The following BRCC3 variants were observed in gnomAD, a reference collection of about 807,000 sequenced individuals.
BRCC3 encodes lys-63-specific deubiquitinase BRCC36.
A neutral mutation model predicts 28.0 loss-of-function variants in BRCC3; 15 were observed. The observed-to-expected ratio is 0.54, with a 90% CI of 0.36 to 0.82. The LOEUF (loss-of-function observed/expected upper bound fraction) is 0.82. Ranked by LOEUF, BRCC3 falls within the 40% of genes least tolerant of loss-of-function variation. The pLI is 0.01. For synonymous variants in BRCC3, 66 were observed against 80.3 expected, an observed-to-expected ratio of 0.82 and a Z score of 0.95; for missense variants, 109 against 225.9, an observed-to-expected ratio of 0.48 and a Z score of 3.32.
chrX:155,114,586 A>G (rs782229775), intron 7 of BRCC3, among the ~76,000 whole-genome samples: 4 of 104,983 alleles, frequency 3.8e-5, no homozygotes, highest in Admixed American at 1.0e-4. Flanking sequence ...AACCACAATT[A>G]AAAAAAAAAA....
At position 155,086,171 on chromosome X, in the gene BRCC3, C is replaced by T. The variant is rs782511345; in HGVS notation, c.404-3092C>T. Among the ~76,000 whole-genome samples, 220 of 111,394 alleles carry T rather than the reference C, an allele frequency of 2.0e-3. 2 individuals are homozygous for T. Among genetic ancestry groups the T allele is most frequent in the African/African-American group, 6.6e-3 (200 of 30,427 alleles). ...GCTGGCTGACGTCCAAGCTAACAGC[C>T]GCCCCATTGGGAAACTTCATGCTGA... On this transcript the variant is annotated intron_variant, in intron 5 of 10. Coordinates refer to ENST00000330045, the MANE Select transcript of BRCC3 (RefSeq NM_001018055.3).
Position 155,122,795 on chromosome X carries a change from A to C in BRCC3, c.*1591A>C, listed in dbSNP as rs2074395664. On this transcript the variant is annotated 3_prime_UTR_variant, in exon 11 of 11. Transcript: ENST00000330045. ...TTATATAACATTCTTGAGGTGACAA[A>C]ATTATTGAAATGAAGAACAGATTAA... 1.8e-5 allele frequency: 2 copies of C among 111,645 alleles called. No individual in the cohort carries two copies. The highest frequency in any genetic ancestry group is 1.9e-4 in the Admixed American group (2 of 10,560). 9.2% of individuals were successfully genotyped at this position (111,645 alleles called of 1,213,427 possible). A position where few individuals can be genotyped will look rare whatever the true frequency, so the allele number is the denominator to read the frequency against.
At chrX:155,085,877 CCCAGGACTGCTTTG>C (rs1327991493) in intron 5 of BRCC3, among the ~76,000 whole-genome samples, 10 of 111,457 alleles carry the variant, frequency 9.0e-5, no homozygotes, top group African/African-American at 3.3e-4. Flanking sequence ...GCCTGGTTCC[CCCAGGACTGCTTTG>C]CCATGACAGC....
chrX:155,075,257 C>CAGGGAGGAAGACAAAGAAGGCAAAA (rs2074023037), intron 3 of BRCC3, among the ~76,000 whole-genome samples: 1 of 52,815 alleles, frequency 1.9e-5, no homozygotes, highest in Non-Finnish European at 2.9e-5. Context: ...CACCCTTGTC[C>CAGGGAGGAAGACAAAGAAGGCAAAA]CTTCAACATC....
At chrX:155,095,299 GTTAT>G (rs1471490702) in intron 7 of BRCC3, among the ~76,000 whole-genome samples, 8 of 111,642 alleles carry the variant, frequency 7.2e-5, no homozygotes, top group South Asian at 7.4e-4. Flanking sequence ...AGTTTTTATT[GTTAT>G]TTATTTATTT....
Position 155,077,263 on chromosome X carries a change from C to T in BRCC3, c.289C>T (p.Leu97=). 8.4e-7 allele frequency: 1 copy of T among 1,186,484 alleles called. No individual in the cohort carries two copies. The highest frequency in any genetic ancestry group is 1.8e-5 in the South Asian group (1 of 56,398). The change falls in exon 4 of 11, where the codon CTG becomes TTG. Residue 97 remains leucine (L), a synonymous_variant. Coordinates refer to ENST00000330045, the MANE Select transcript of BRCC3 (RefSeq NM_001018055.3). ...KDRVEISPEQ[L]SAASTEAERL... is the part of the protein sequence containing the mutation. ...CCGAGTAGAAATTTCTCCAGAGCAG[C>T]TGTCTGCAGCTTCAACAGAGGCAGA...
At chrX:155,076,512 G>A (rs2074045058) in intron 3 of BRCC3, among the ~76,000 whole-genome samples, 1 of 111,839 alleles carries the variant, frequency 8.9e-6, no homozygotes, top group South Asian at 3.7e-4. Flanking sequence ...TGATCATGGT[G>A]GAAGGTGAAG....
intron 7 of BRCC3, among the ~76,000 whole-genome samples, chrX:155,114,915 T>A (rs1187692236): frequency 2.7e-5 from 3 of 111,090 alleles, no homozygotes; most frequent in African/African-American, 9.8e-5. Context: ...TCTCAGCCAA[T>A]CACAAGCAAT....
chrX:155,084,598 C>G (rs1001893280), intron 5 of BRCC3, among the ~76,000 whole-genome samples: 1 of 111,779 alleles, frequency 8.9e-6, no homozygotes, highest in African/African-American at 3.3e-5. Flanking sequence ...CTCCTGACCT[C>G]GTGATCCACC....
At chrX:155,095,502 T>A (rs892460697) in intron 7 of BRCC3, among the ~76,000 whole-genome samples, 1 of 111,254 alleles carries the variant, frequency 9.0e-6, no homozygotes, top group Non-Finnish European at 1.9e-5. Flanking sequence ...AATTTCACCA[T>A]GTTGGCCAGG....
intron 6 of BRCC3, among the ~76,000 whole-genome samples, chrX:155,090,336 G>A (rs1338910620): frequency 8.9e-6 from 1 of 112,505 alleles, no homozygotes; most frequent in African/African-American, 3.2e-5. Flanking sequence ...CTTATTTAGT[G>A]CATTAGTTAT....
intron 7 of BRCC3, 146 bp downstream of exon 7, chrX:155,090,985 G>A: frequency 2.1e-6 from 1 of 482,423 alleles, no homozygotes; most frequent in South Asian, 4.0e-5. Context: ...TCTACGATGA[G>A]TTAGAATCTC....
intron 7 of BRCC3, chrX:155,099,290 C>T: frequency 8.3e-7 from 1 of 1,203,011 alleles, no homozygotes; most frequent in South Asian, 1.8e-5. Flanking sequence ...GCTTCACCAT[C>T]TTGGTGTGTG....
chrX:155,076,017 C>G (rs2074038648), intron 3 of BRCC3, among the ~76,000 whole-genome samples: 2 of 112,212 alleles, frequency 1.8e-5, no homozygotes, highest in African/African-American at 6.5e-5. Flanking sequence ...AGATTTTTTT[C>G]TTTTTTAGAT....
chrX:155,119,030 A>C (rs2074374239), intron 9 of BRCC3, among the ~76,000 whole-genome samples: 1 of 112,047 alleles, frequency 8.9e-6, no homozygotes, highest in African/African-American at 3.2e-5. Context: ...ATAGCCTAAG[A>C]ATAATGTGAA....
chrX:155,103,917 A>G (rs1021858548), intron 7 of BRCC3, among the ~76,000 whole-genome samples: 2 of 110,118 alleles, frequency 1.8e-5, no homozygotes, highest in Non-Finnish European at 3.8e-5. Flanking sequence ...TCTTTCTGCA[A>G]TGTTAAATTT....
chrX:155,072,042 C>T (rs1203274224), intron 1 of BRCC3, among the ~76,000 whole-genome samples: 1 of 112,155 alleles, frequency 8.9e-6, no homozygotes, highest in Non-Finnish European at 1.9e-5. Context: ...CGCCTCGAGT[C>T]TTCTGTCTAG....
At chrX:155,100,804 C>G (rs781929074) in intron 7 of BRCC3, among the ~76,000 whole-genome samples, 1 of 111,891 alleles carries the variant, frequency 8.9e-6, no homozygotes, top group Non-Finnish European at 1.9e-5. Context: ...TCAACCAACC[C>G]TGGATCAAAA....
rs2074388008 is a variant in BRCC3, at chrX:155,121,492, G to C, written c.*288G>C. ...ATAGCCTTTCTGACAAATTATGCTA[G>C]AGCAATTAGACACCCATGGCGAGGA... On this transcript the variant is annotated 3_prime_UTR_variant, in exon 11 of 11. Coordinates refer to ENST00000330045, the MANE Select transcript of BRCC3 (RefSeq NM_001018055.3). The C allele has an allele frequency of 8.9e-6, 1 of 112,140 alleles. No homozygotes were observed. The highest frequency in any genetic ancestry group is 3.2e-5 in the African/African-American group (1 of 30,851). The allele number at this position is 112,140 out of a possible 1,213,427, so 9.2% of individuals were successfully genotyped here. A position where few individuals can be genotyped will look rare whatever the true frequency, so the allele number is the denominator to read the frequency against.
Sources: gnomAD v4.1 joint callset for allele counts (sites outside exome capture counted in the v4.1 genomes callset) on GRCh38, gnomAD v4.1.1 for gene constraint, MANE v1.5 for transcripts, NCBI Gene and HGNC (gene_info 2026-07-23, HGNC 2026-07-21) for gene names.